Variants in CNTN5 observed in about 807,000 individuals in gnomAD.
CNTN5 encodes contactin-5.
Under a neutral mutation model 129.1 loss-of-function variants are expected in CNTN5, and 77 were observed. That is an observed-to-expected ratio of 0.60 (90% CI 0.50 to 0.72). The LOEUF (loss-of-function observed/expected upper bound fraction) is 0.72, where lower values mean the gene tolerates loss of function less well. Among genes scored for constraint, CNTN5 ranks in the 30% least tolerant of loss-of-function variants. The probability of loss-of-function intolerance (pLI) is 0.00; values close to 1 mark genes in which losing one functional copy is unlikely to be tolerated. For synonymous variants in CNTN5, 509 were observed against 465.6 expected (o/e 1.09, Z -1.20); for missense variants, 1,478 against 1,328.8 (o/e 1.11, Z -1.75).
At chr11:100,345,321 A>C (rs1307080260) in intron 23 of CNTN5, among the ~76,000 whole-genome samples, 1 of 152,076 alleles carries the variant, frequency 6.6e-6, no homozygotes, top group Non-Finnish European at 1.5e-5. Flanking sequence ...GCCAACAACC[A>C]CGAGAAGCCT....
chr11:99,372,296 CATT>C (rs1265861247), intron 2 of CNTN5, among the ~76,000 whole-genome samples: 1 of 152,050 alleles, frequency 6.6e-6, no homozygotes, highest in African/African-American at 2.4e-5. Context: ...ACCGTTACAT[CATT>C]ATTACTGTGA....
At chr11:100,177,298 A>T (rs1477245608) in intron 13 of CNTN5, among the ~76,000 whole-genome samples, 4 of 151,974 alleles carry the variant, frequency 2.6e-5, no homozygotes, top group African/African-American at 4.8e-5. Flanking sequence ...TGCTCACAGC[A>T]CCCCTGCTGT....
chr11:100,254,105 C>T (rs77967524), intron 16 of CNTN5, among the ~76,000 whole-genome samples: 3,775 of 152,234 alleles, frequency 0.025, 136 homozygotes, highest in African/African-American at 0.085. Context: ...TGACTGCTTT[C>T]CTGGTCTTGG....
intron 9 of CNTN5, among the ~76,000 whole-genome samples, chr11:100,004,283 A>G (rs1030561574): frequency 6.6e-6 from 1 of 152,140 alleles, no homozygotes; most frequent in Non-Finnish European, 1.5e-5. Flanking sequence ...AAATTCTGGA[A>G]TGGAGCATGT....
intron 7 of CNTN5, among the ~76,000 whole-genome samples, chr11:99,919,907 A>G (rs1032861208): frequency 6.6e-6 from 1 of 151,904 alleles, no homozygotes; most frequent in African/African-American, 2.4e-5. Context: ...CCGCTCACCT[A>G]TAATCCCAAA....
At chr11:99,494,250 A>G (rs996975017) in intron 2 of CNTN5, among the ~76,000 whole-genome samples, 5 of 152,182 alleles carry the variant, frequency 3.3e-5, no homozygotes, top group Admixed American at 2.0e-4. Flanking sequence ...TAATCTTTAG[A>G]TTAATGTGTC....
chr11:99,364,649 T>A (rs1171930817), intron 2 of CNTN5, among the ~76,000 whole-genome samples: 3 of 152,018 alleles, frequency 2.0e-5, no homozygotes, highest in South Asian at 2.1e-4. Context: ...CGTGAAAAAA[T>A]TGATTGAAAA....
At chr11:100,150,519 TGTCA>T (rs1947018499) in intron 13 of CNTN5, among the ~76,000 whole-genome samples, 1 of 141,842 alleles carries the variant, frequency 7.1e-6, no homozygotes, top group Non-Finnish European at 1.6e-5. Context: ...AAAACTGATT[TGTCA>T]GTTAATCTAT....
chr11:100,004,464 T>C (rs1940070136), intron 9 of CNTN5, among the ~76,000 whole-genome samples: 1 of 152,182 alleles, frequency 6.6e-6, no homozygotes, highest in South Asian at 2.1e-4. Flanking sequence ...ACACCCATTA[T>C]TCTCTGTCTG....
At chr11:99,213,520 T>G (rs1424016913) in intron 1 of CNTN5, among the ~76,000 whole-genome samples, 2 of 149,734 alleles carry the variant, frequency 1.3e-5, no homozygotes, top group African/African-American at 4.9e-5. Context: ...TTCCTGAGGG[T>G]TGGCTCTTTC....
chr11:99,989,746 A>T (rs921756414), intron 8 of CNTN5, among the ~76,000 whole-genome samples: 1 of 152,040 alleles, frequency 6.6e-6, no homozygotes, highest in Non-Finnish European at 1.5e-5. Context: ...TTTGTTATAA[A>T]ATTTTAAAAG....
chr11:99,242,079 T>G (rs978352050), intron 1 of CNTN5, among the ~76,000 whole-genome samples: 6 of 152,126 alleles, frequency 3.9e-5, no homozygotes. Flanking sequence ...GAGATTTAAA[T>G]CCATTCAAAA....
chr11:99,357,926 C>A (rs912409240), intron 2 of CNTN5, among the ~76,000 whole-genome samples: 18 of 151,104 alleles, frequency 1.2e-4, no homozygotes, highest in Non-Finnish European at 1.8e-4. Context: ...ACTGCATGAA[C>A]CCTGGAGGCG....
At chr11:99,037,582 T>TTC (rs1555024012) in intron 1 of CNTN5, among the ~76,000 whole-genome samples, 112 of 142,314 alleles carry the variant, frequency 7.9e-4, no homozygotes, top group African/African-American at 3.0e-3. Context: ...TTTTCTTTTT[T>TTC]TTTTTTTTTT....
chr11:99,733,234 A>G (rs1326710058), intron 3 of CNTN5, among the ~76,000 whole-genome samples: 3 of 151,106 alleles, frequency 2.0e-5, no homozygotes, highest in Non-Finnish European at 4.4e-5. Context: ...GAGGCAGAGA[A>G]CTGCTTGAAC....
intron 2 of CNTN5, among the ~76,000 whole-genome samples, chr11:99,465,872 A>AT (rs1271776982): frequency 3.3e-5 from 2 of 60,352 alleles, no homozygotes; most frequent in Non-Finnish European, 6.2e-5. Context: ...GGTGCCACAC[A>AT]CCTTTTTTTT....
At chr11:100,324,608 A>C in intron 21 of CNTN5, among the ~76,000 whole-genome samples, 1 of 152,302 alleles carries the variant, frequency 6.6e-6, no homozygotes, top group Admixed American at 6.5e-5. Flanking sequence ...ATGTTTCAAT[A>C]AAGAATATGA....
chr11:99,188,530 T>C (rs1011623546), intron 1 of CNTN5, among the ~76,000 whole-genome samples: 5 of 151,838 alleles, frequency 3.3e-5, no homozygotes, highest in African/African-American at 1.2e-4. Context: ...TGAGCAACTT[T>C]CATGTTTACA....
intron 1 of CNTN5, among the ~76,000 whole-genome samples, chr11:99,141,526 A>G (rs1042768348): frequency 6.6e-6 from 1 of 151,544 alleles, no homozygotes; most frequent in Admixed American, 6.6e-5. Flanking sequence ...TCAAGCTCTC[A>G]TTTTGGCTAT....
Sources: gnomAD v4.1 joint callset for allele counts (sites outside exome capture counted in the v4.1 genomes callset) on GRCh38, gnomAD v4.1.1 for gene constraint, MANE v1.5 for transcripts, NCBI Gene and HGNC (gene_info 2026-07-23, HGNC 2026-07-21) for gene names.